KDM6A: variants seen among roughly 807,000 people sequenced by gnomAD.
KDM6A encodes lysine-specific demethylase 6A.
In KDM6A, 11 loss-of-function variants were observed where a neutral mutation model predicts 117.6. That is an observed-to-expected ratio of 0.09 (90% CI 0.06 to 0.15). The LOEUF (loss-of-function observed/expected upper bound fraction) is 0.15, where lower values mean the gene tolerates loss of function less well. KDM6A is among the 10% of genes least tolerant of loss of function. The pLI, the probability that KDM6A is intolerant of heterozygous loss-of-function variation, is 1.00. For missense variants in KDM6A, 799 were observed against 1,077.3 expected (o/e 0.74, Z 3.62); for synonymous variants, 384 against 396.1 (o/e 0.97, Z 0.36).
At chrX:44,959,697 C>G (rs1257875520) in intron 2 of KDM6A, among the ~76,000 whole-genome samples, 1 of 111,349 alleles carries the variant, frequency 9.0e-6, no homozygotes, top group African/African-American at 3.3e-5. Context: ...TTATAAAGCA[C>G]TGTAATAAAT....
intron 2 of KDM6A, among the ~76,000 whole-genome samples, chrX:44,925,711 G>A (rs1271953180): frequency 2.7e-5 from 3 of 111,188 alleles, no homozygotes; most frequent in African/African-American, 9.8e-5. Context: ...TAGAATAAGT[G>A]TCCTAATGCA....
At chrX:45,110,604 A>AATC (rs2046732911) in intron 29 of KDM6A, among the ~76,000 whole-genome samples, 1 of 112,013 alleles carries the variant, frequency 8.9e-6, no homozygotes, top group Admixed American at 9.5e-5. Flanking sequence ...CCACAAAATG[A>AATC]ATCAGTAAGT....
At chrX:45,048,612 T>G (rs1332080306) in intron 8 of KDM6A, among the ~76,000 whole-genome samples, 2 of 109,827 alleles carry the variant, frequency 1.8e-5, no homozygotes, top group Admixed American at 2.0e-4. Flanking sequence ...CTAGTAAGAC[T>G]GCCATTTCTA....
intron 6 of KDM6A, among the ~76,000 whole-genome samples, chrX:45,022,983 T>G: frequency 8.9e-6 from 1 of 112,154 alleles, no homozygotes; most frequent in Non-Finnish European, 1.9e-5. Context: ...ATGATGATGA[T>G]CATTTCATGT....
At chrX:44,964,094 G>A (rs1004024962) in intron 3 of KDM6A, among the ~76,000 whole-genome samples, 2 of 110,027 alleles carry the variant, frequency 1.8e-5, no homozygotes, top group South Asian at 7.9e-4. Flanking sequence ...TTACTTTCCC[G>A]AGATCCATGA....
chrX:45,042,655 A>T lies in KDM6A; in HGVS notation c.654+4966A>T, dbSNP rs149079368. 4.2e-3 allele frequency among the ~76,000 whole-genome samples: 437 copies of T among 105,023 alleles called. 15 individuals are homozygous for T. The East Asian group carries it at 0.1, about 24-fold the overall frequency. 91.2% of individuals were successfully genotyped at this position (105,023 alleles called of 115,157 possible). A position where few individuals can be genotyped will look rare whatever the true frequency, so the allele number is the denominator to read the frequency against. ...AGTTTCTCTACTTCTCTACATAGGAAGAAGTTTCCCCACTTCTCTACATAG... is the reference window on the plus strand; with the variant it reads ...AGTTTCTCTACTTCTCTACATAGGATGAAGTTTCCCCACTTCTCTACATAG... On this transcript the variant is annotated intron_variant, in intron 8 of 29. Transcript: ENST00000611820.
chrX:45,073,970 A>G (rs769486083), intron 18 of KDM6A, among the ~76,000 whole-genome samples: 2 of 111,719 alleles, frequency 1.8e-5, no homozygotes, highest in Admixed American at 1.9e-4. Flanking sequence ...CGTGAATGGT[A>G]TTGCCTAGGT....
At position 45,069,734 on chromosome X, in the gene KDM6A, G is replaced by A. The variant is rs2044726999; in HGVS notation, c.2235G>A (p.Gly745=). 8.3e-7 allele frequency: 1 copy of A among 1,207,353 alleles called. No individual in the cohort carries two copies. Among genetic ancestry groups the A allele is most frequent in the Admixed American group, 2.2e-5 (1 of 45,392 alleles). Residue 745 remains glycine (G), a synonymous_variant, in exon 18 of 30, where the codon GGG becomes GGA. Coordinates refer to ENST00000611820, the MANE Select transcript of KDM6A (RefSeq NM_001291415.2). ...TGCCTAGCAATTCAGTAACACAGGG[G>A]GCTGCTCTCAATCACCTCTCCTCTC... is the stretch of plus-strand genomic sequence containing the variant. ...PTLPSNSVTQ[G]AALNHLSSHT... is the part of the protein sequence containing the mutation.
At chrX:44,883,065 GTTTTTT>G (rs56794838) in intron 2 of KDM6A, among the ~76,000 whole-genome samples, 11 of 99,717 alleles carry the variant, frequency 1.1e-4, no homozygotes, top group Non-Finnish European at 2.2e-4. Flanking sequence ...GAGCAGTTAA[GTTTTTT>G]TTTTTTTTTG....
intron 14 of KDM6A, among the ~76,000 whole-genome samples, chrX:45,060,982 C>T (rs917537162): frequency 8.1e-5 from 9 of 110,877 alleles, no homozygotes; most frequent in Admixed American, 7.7e-4. Context: ...ATCTCCCTGC[C>T]GTTAAGATCC....
intron 5 of KDM6A, among the ~76,000 whole-genome samples, chrX:45,017,939 T>A (rs1750745172): frequency 9.0e-6 from 1 of 111,584 alleles, no homozygotes; most frequent in African/African-American, 3.3e-5. Context: ...GGGCAGCAGA[T>A]GAATCAAAAT....
chrX:44,921,371 T>C (rs2035926078), intron 2 of KDM6A, among the ~76,000 whole-genome samples: 1 of 111,750 alleles, frequency 8.9e-6, no homozygotes, highest in African/African-American at 3.3e-5. Context: ...TCACCAGGTA[T>C]GTATGTACTT....
At chrX:45,016,451 TTTTATGTA>T (rs1273393257) in intron 5 of KDM6A, among the ~76,000 whole-genome samples, 186 of 90,445 alleles carry the variant, frequency 2.1e-3, no homozygotes, top group African/African-American at 6.9e-3. Flanking sequence ...ATTGATTTTA[TTTTATGTA>T]TGTATGTATG....
chrX:45,103,033 T>C (rs1023110728), intron 27 of KDM6A, among the ~76,000 whole-genome samples: 3 of 111,116 alleles, frequency 2.7e-5, no homozygotes, highest in Non-Finnish European at 5.7e-5. Context: ...TATCTACTTC[T>C]CAGTGGCTGA....
At chrX:45,053,494 G>A (rs1262489908) in intron 9 of KDM6A, among the ~76,000 whole-genome samples, 6 of 111,939 alleles carry the variant, frequency 5.4e-5, no homozygotes, top group African/African-American at 1.6e-4. Context: ...TAAATAAGAC[G>A]TAACATCTTT....
At chrX:45,031,859 A>C (rs2042613523) in intron 6 of KDM6A, among the ~76,000 whole-genome samples, 1 of 111,504 alleles carries the variant, frequency 9.0e-6, no homozygotes, top group Admixed American at 9.6e-5. Flanking sequence ...ATCAAGTTCC[A>C]TTGGCTGTAT....
At chrX:44,997,870 AG>A (rs1462169274) in intron 4 of KDM6A, among the ~76,000 whole-genome samples, 1 of 112,014 alleles carries the variant, frequency 8.9e-6, no homozygotes, top group Non-Finnish European at 1.9e-5. Flanking sequence ...GGCTTTTTTA[AG>A]GCAGAGGAAG....
intron 2 of KDM6A, among the ~76,000 whole-genome samples, chrX:44,938,332 C>T (rs982899626): frequency 2.2e-4 from 25 of 111,731 alleles, no homozygotes; most frequent in African/African-American, 8.1e-4. Context: ...AGAACAGCCT[C>T]ACTGCTGACA....
intron 2 of KDM6A, among the ~76,000 whole-genome samples, chrX:44,949,777 A>G (rs1300408737): frequency 8.9e-6 from 1 of 112,026 alleles, no homozygotes; most frequent in Non-Finnish European, 1.9e-5. Flanking sequence ...ATATTTAACC[A>G]GGGTACAGCA....
Sources: allele counts gnomAD v4.1 joint callset (sites outside exome capture counted in the v4.1 genomes callset), GRCh38; gene constraint gnomAD v4.1.1; transcripts MANE v1.5; gene names NCBI Gene and HGNC (gene_info 2026-07-23, HGNC 2026-07-21).